The following TTC27 variants were observed in gnomAD, a reference collection of about 807,000 sequenced individuals.
TTC27 encodes the protein tetratricopeptide repeat protein 27.
Under a neutral mutation model 115.9 loss-of-function variants are expected in TTC27, and 79 were observed. The ratio of observed to expected loss-of-function variants is 0.68; its 90% CI spans 0.57 to 0.82. The LOEUF (loss-of-function observed/expected upper bound fraction) is 0.82. TTC27 is among the 40% of genes least tolerant of loss of function. TTC27 has a pLI of 0.00. For synonymous variants in TTC27, 401 were observed against 356.0 expected, an observed-to-expected ratio of 1.13 and a Z score of -1.42; for missense variants, 1,054 against 993.1, an observed-to-expected ratio of 1.06 and a Z score of -0.82.
At chr2:32,710,209 G>A (rs184040622) in intron 10 of TTC27, among the ~76,000 whole-genome samples, 18 of 151,994 alleles carry the variant, frequency 1.2e-4, no homozygotes, top group Admixed American at 5.2e-4. Context: ...TTGGGGTTTC[G>A]CCATGTTGGT....
At chr2:32,669,031 A>G (rs1473583905) in intron 7 of TTC27, among the ~76,000 whole-genome samples, 1 of 152,042 alleles carries the variant, frequency 6.6e-6, no homozygotes, top group Admixed American at 6.6e-5. Context: ...GTGAGCTGAG[A>G]TCGTGCCACT....
At chr2:32,662,520 TA>T (rs2151877880) in intron 5 of TTC27, among the ~76,000 whole-genome samples, 1 of 152,348 alleles carries the variant, frequency 6.6e-6, no homozygotes, top group South Asian at 2.1e-4. Flanking sequence ...TCCAGGAATG[TA>T]TCCATTTCTT....
intron 16 of TTC27, among the ~76,000 whole-genome samples, chr2:32,790,757 C>A (rs1354048248): frequency 6.7e-6 from 1 of 149,492 alleles, no homozygotes; most frequent in Admixed American, 6.7e-5. Flanking sequence ...GACCATCATT[C>A]CTTTCTGTAT....
At chr2:32,800,704 TG>T (rs1215425904) in intron 16 of TTC27, among the ~76,000 whole-genome samples, 1 of 151,776 alleles carries the variant, frequency 6.6e-6, no homozygotes, top group African/African-American at 2.4e-5. Flanking sequence ...TTCACCGTGT[TG>T]GCCAGGATGA....
intron 16 of TTC27, among the ~76,000 whole-genome samples, chr2:32,795,049 A>C (rs1418851460): frequency 6.6e-6 from 1 of 152,064 alleles, no homozygotes; most frequent in East Asian, 1.9e-4. Context: ...TTTTCCAAAA[A>C]ATTGAGGAGG....
intron 12 of TTC27, among the ~76,000 whole-genome samples, chr2:32,757,718 G>A (rs1220527934): frequency 2.0e-5 from 3 of 151,766 alleles, no homozygotes; most frequent in Non-Finnish European, 4.4e-5. Flanking sequence ...TTGAGTCAGA[G>A]TTTCACTCTT....
intron 17 of TTC27, among the ~76,000 whole-genome samples, chr2:32,812,302 A>C (rs951145788): frequency 1.3e-5 from 2 of 152,176 alleles, no homozygotes; most frequent in Non-Finnish European, 1.5e-5. Flanking sequence ...ATCCAGGTAC[A>C]TCCATTTGAT....
intron 16 of TTC27, among the ~76,000 whole-genome samples, chr2:32,808,176 C>G (rs1302908293): frequency 6.6e-6 from 1 of 152,086 alleles, no homozygotes; most frequent in Non-Finnish European, 1.5e-5. Flanking sequence ...CTCATGTGAT[C>G]CGCCTACCTC....
intron 6 of TTC27, among the ~76,000 whole-genome samples, chr2:32,665,529 A>G (rs1253953132): frequency 2.0e-5 from 3 of 152,228 alleles, no homozygotes; most frequent in Non-Finnish European, 4.4e-5. Flanking sequence ...GAACTTAGAA[A>G]TACAAATGTG....
At chr2:32,769,089 A>G (rs1669736377) in intron 13 of TTC27, among the ~76,000 whole-genome samples, 1 of 152,202 alleles carries the variant, frequency 6.6e-6, no homozygotes, top group Non-Finnish European at 1.5e-5. Flanking sequence ...AAACCATGAA[A>G]GTGAGTTCTT....
intron 16 of TTC27, among the ~76,000 whole-genome samples, chr2:32,794,241 A>G (rs1670629136): frequency 6.6e-6 from 1 of 152,236 alleles, no homozygotes; most frequent in Admixed American, 6.5e-5. Context: ...GATAGATGTC[A>G]TAGAACGTAT....
intron 10 of TTC27, among the ~76,000 whole-genome samples, chr2:32,715,747 A>G (rs1406603725): frequency 1.3e-5 from 2 of 152,182 alleles, no homozygotes; most frequent in Non-Finnish European, 2.9e-5. Flanking sequence ...GATTAAGGGC[A>G]TGTCATAATG....
chr2:32,812,692 G>T (rs1185939822), intron 18 of TTC27, 77 bp downstream of exon 18: 1 of 1,081,806 alleles, frequency 9.2e-7, no homozygotes, highest in East Asian at 2.4e-5. Flanking sequence ...TTGGTCAAAA[G>T]TAAAGTTCCA....
rs1381105564 is a variant in TTC27 at position 32,777,872 on chromosome 2, G to T, written c.1681-10G>T. 6.2e-7 allele frequency: 1 copy of T among 1,612,794 alleles called. No individual in the cohort carries two copies. Reference sequence around the variant, plus strand: ...TGTGTTTGAATGACTTTGACTTTTGGTCTTTGCAGCTCGGGGTGTGGTTTT... The same window carrying T: ...TGTGTTTGAATGACTTTGACTTTTGTTCTTTGCAGCTCGGGGTGTGGTTTT... On this transcript the variant is annotated splice_polypyrimidine_tract_variant and intron_variant, in intron 13 of 19. Transcript: ENST00000317907.
At position 32,812,730 on chromosome 2, in the gene TTC27, A is replaced by T; in HGVS notation, c.2308+115A>T. 4.0e-5 allele frequency: 29 copies of T among 730,660 alleles called. 1 individual carries two copies. The South Asian group carries it at 4.3e-4, about 11-fold the overall frequency. The allele number at this position is 730,660 out of a possible 1,614,324, so 45.3% of individuals were successfully genotyped here. ...ATAAATAGTATCAAATTATTTCATT[A>T]TATTGACATTGTTGTATTTAATTCA... is the stretch of plus-strand genomic sequence containing the variant. On this transcript the variant is annotated intron_variant, in intron 18 of 19. Coordinates refer to ENST00000317907, the MANE Select transcript of TTC27 (RefSeq NM_017735.5).
chr2:32,794,768 T>G (rs556189592), intron 16 of TTC27, among the ~76,000 whole-genome samples: 1 of 152,100 alleles, frequency 6.6e-6, no homozygotes, highest in Non-Finnish European at 1.5e-5. Context: ...TTACTACTGA[T>G]TCTACAGAAA....
intron 16 of TTC27, among the ~76,000 whole-genome samples, chr2:32,792,247 G>A (rs1056573507): frequency 5.9e-5 from 9 of 152,292 alleles, no homozygotes; most frequent in African/African-American, 1.9e-4. Flanking sequence ...GAAGTTCTGG[G>A]ACACTTGCTG....
At chr2:32,669,405 T>A (rs1192640034) in intron 7 of TTC27, among the ~76,000 whole-genome samples, 1 of 152,268 alleles carries the variant, frequency 6.6e-6, no homozygotes, top group Non-Finnish European at 1.5e-5. Context: ...ATGGATTAGA[T>A]AGAAACATAG....
intron 12 of TTC27, among the ~76,000 whole-genome samples, chr2:32,758,067 T>A (rs760937251): frequency 3.9e-5 from 6 of 152,212 alleles, no homozygotes; most frequent in Non-Finnish European, 5.9e-5. Context: ...AGTATTCACT[T>A]TATTGCAGTG....
Sources: allele counts gnomAD v4.1 joint callset (sites outside exome capture counted in the v4.1 genomes callset), GRCh38; gene constraint gnomAD v4.1.1; transcripts MANE v1.5; gene names NCBI Gene and HGNC (gene_info 2026-07-23, HGNC 2026-07-21).